The following EPHA5 variants were observed in gnomAD, a reference collection of about 807,000 sequenced individuals.
EPHA5 encodes EPH receptor A5, also known as ephrin type-A receptor 5.
Under a neutral mutation model 105.0 loss-of-function variants are expected in EPHA5, and 60 were observed. That is an observed-to-expected ratio of 0.57 (90% CI 0.46 to 0.71). The LOEUF is 0.71. Ranked by LOEUF, EPHA5 falls within the 30% of genes least tolerant of loss-of-function variation. The pLI is 0.00. For missense variants in EPHA5, 1,218 were observed against 1,274.7 expected (o/e 0.96, Z 0.68); for synonymous variants, 513 against 449.1 (o/e 1.14, Z -1.80).
At chr4:65,655,405 T>C (rs1748968472) in intron 1 of EPHA5, among the ~76,000 whole-genome samples, 5 of 152,084 alleles carry the variant, frequency 3.3e-5, no homozygotes, top group Admixed American at 2.6e-4. Context: ...CCCGCACAAC[T>C]ACCAACCCAA....
At chr4:65,649,815 GACAA>G (rs1183911205) in intron 1 of EPHA5, among the ~76,000 whole-genome samples, 3 of 152,114 alleles carry the variant, frequency 2.0e-5, no homozygotes, top group East Asian at 1.9e-4. Context: ...GATCACGATA[GACAA>G]ACAATCTCAC....
At chr4:65,387,762 G>A (rs1272648293) in intron 8 of EPHA5, among the ~76,000 whole-genome samples, 1 of 151,752 alleles carries the variant, frequency 6.6e-6, no homozygotes, top group Non-Finnish European at 1.5e-5. Flanking sequence ...TACAAATGTA[G>A]AATACTGGTT....
intron 3 of EPHA5, among the ~76,000 whole-genome samples, chr4:65,498,048 A>G (rs2149233657): frequency 6.6e-6 from 1 of 152,138 alleles, no homozygotes; most frequent in East Asian, 1.9e-4. Context: ...GATTTCCCTC[A>G]GGAAGCTGAG....
At chr4:65,498,135 C>T (rs188111258) in intron 3 of EPHA5, among the ~76,000 whole-genome samples, 1 of 151,968 alleles carries the variant, frequency 6.6e-6, no homozygotes, top group East Asian at 1.9e-4. Flanking sequence ...AGGGAGAAAT[C>T]CTTGCAAAGG....
intron 1 of EPHA5, among the ~76,000 whole-genome samples, chr4:65,648,645 C>T (rs958880437): frequency 1.3e-5 from 2 of 152,186 alleles, no homozygotes; most frequent in African/African-American, 4.8e-5. Context: ...ATATGGCCTT[C>T]TCTTTCTCTA....
At chr4:65,329,149 C>G (rs888504421) in intron 16 of EPHA5, among the ~76,000 whole-genome samples, 1 of 151,264 alleles carries the variant, frequency 6.6e-6, no homozygotes, top group Middle Eastern at 3.2e-3. Flanking sequence ...CACAATTATC[C>G]CTGTTGACAA....
At chr4:65,372,652 A>T (rs767558690) in intron 8 of EPHA5, among the ~76,000 whole-genome samples, 1 of 151,866 alleles carries the variant, frequency 6.6e-6, no homozygotes, top group Non-Finnish European at 1.5e-5. Flanking sequence ...ATGATGTAAG[A>T]TTATACCACA....
intron 2 of EPHA5, among the ~76,000 whole-genome samples, chr4:65,637,036 A>G (rs1031664595): frequency 6.6e-6 from 1 of 152,008 alleles, no homozygotes; most frequent in Non-Finnish European, 1.5e-5. Flanking sequence ...GAGGAGAGTT[A>G]AAGTTACTAT....
intron 3 of EPHA5, among the ~76,000 whole-genome samples, chr4:65,582,668 A>G (rs997781385): frequency 6.6e-6 from 1 of 151,660 alleles, no homozygotes; most frequent in Non-Finnish European, 1.5e-5. Flanking sequence ...AGAGGAAAAA[A>G]ATGAATTCCA....
chr4:65,655,292 G>GTGGGTGATATAAAAAAAAA (rs1289325545), intron 1 of EPHA5, among the ~76,000 whole-genome samples: 14 of 151,904 alleles, frequency 9.2e-5, no homozygotes, highest in Non-Finnish European at 1.5e-4. Flanking sequence ...CAAATCACCA[G>GTGGGTGATATAAAAAAAAA]AAGTACTTTT....
intron 3 of EPHA5, among the ~76,000 whole-genome samples, chr4:65,531,017 T>TA (rs1735727523): frequency 7.5e-6 from 1 of 133,242 alleles, no homozygotes; most frequent in African/African-American, 2.9e-5. Context: ...TTTTTTTTAT[T>TA]TTTTTTATTT....
chr4:65,496,031 G>A (rs985265761), intron 3 of EPHA5, among the ~76,000 whole-genome samples: 5 of 152,012 alleles, frequency 3.3e-5, no homozygotes, highest in African/African-American at 1.2e-4. Context: ...GTTAGATTGG[G>A]GAGAATGCAT....
At chr4:65,505,611 G>A (rs1732931535) in intron 3 of EPHA5, among the ~76,000 whole-genome samples, 2 of 152,074 alleles carry the variant, frequency 1.3e-5, no homozygotes, top group East Asian at 3.9e-4. Context: ...ACAAAATATT[G>A]AGAAAATGCA....
chr4:65,358,082 G>C (rs1376418), intron 11 of EPHA5, among the ~76,000 whole-genome samples: 103,034 of 151,118 alleles, frequency 0.68, 36,149 homozygotes, highest in Admixed American at 0.77. Context: ...ATGTAAAATA[G>C]CATTCCCCAA....
chr4:65,600,567 A>G (rs1476178524), intron 3 of EPHA5, among the ~76,000 whole-genome samples: 2 of 152,170 alleles, frequency 1.3e-5, no homozygotes, highest in African/African-American at 2.4e-5. Context: ...TCTACAGTCA[A>G]GCAAGAACAA....
intron 2 of EPHA5, among the ~76,000 whole-genome samples, chr4:65,613,231 A>G (rs1464550004): frequency 6.6e-6 from 1 of 152,024 alleles, no homozygotes; most frequent in Admixed American, 6.6e-5. Flanking sequence ...CCACTGATCT[A>G]TCTGTCTATT....
At chr4:65,418,031 T>C (rs1045057932) in intron 6 of EPHA5, among the ~76,000 whole-genome samples, 1 of 152,148 alleles carries the variant, frequency 6.6e-6, no homozygotes, top group Non-Finnish European at 1.5e-5. Flanking sequence ...AAAATGTAAG[T>C]ACTTGTTAAA....
Position 65,663,345 on chromosome 4 carries a change from A to G in EPHA5, c.181+6217T>C, listed in dbSNP as rs1749700735. Among the ~76,000 whole-genome samples the G allele has an allele frequency of 2.0e-5, 3 of 152,202 alleles. No individual in the cohort carries two copies. The South Asian group carries it at 6.2e-4, about 32-fold the overall frequency. On this transcript the variant is annotated intron_variant, in intron 1 of 16. Transcript: ENST00000613740. ...ATGACAATAAATGTCATCATACCAA[A>G]CCACAGAGTTTTTAAGAACTCCAAG... is the stretch of plus-strand genomic sequence containing the variant.
intron 3 of EPHA5, among the ~76,000 whole-genome samples, chr4:65,533,303 C>T (rs566831421): frequency 6.6e-6 from 1 of 152,142 alleles, no homozygotes; most frequent in Admixed American, 6.5e-5. Context: ...ATCTTTACTT[C>T]TACATAGAAT....
Sources: gnomAD v4.1 joint callset for allele counts (sites outside exome capture counted in the v4.1 genomes callset) on GRCh38, gnomAD v4.1.1 for gene constraint, MANE v1.5 for transcripts, NCBI Gene and HGNC (gene_info 2026-07-23, HGNC 2026-07-21) for gene names.